The following SOAT1 variants were observed in gnomAD, a reference collection of about 807,000 sequenced individuals.
SOAT1 encodes acyl-coenzyme A:cholesterol acyltransferase 1.
A neutral mutation model predicts 69.5 loss-of-function variants in SOAT1; 55 were observed. That is an observed-to-expected ratio of 0.79 (90% CI 0.64 to 0.99). The LOEUF (loss-of-function observed/expected upper bound fraction) is 0.99, where lower values mean the gene tolerates loss of function less well. Ranked by LOEUF, SOAT1 falls within the 50% of genes least tolerant of loss-of-function variation. The probability of loss-of-function intolerance (pLI) is 0.00; values close to 1 mark genes in which losing one functional copy is unlikely to be tolerated. For synonymous variants in SOAT1, 231 were observed against 224.7 expected (o/e 1.03, Z -0.25); for missense variants, 580 against 669.3 (o/e 0.87, Z 1.47).
At chr1:179,301,334 A>C (rs1201203848) in intron 1 of SOAT1, among the ~76,000 whole-genome samples, 2 of 152,050 alleles carry the variant, frequency 1.3e-5, no homozygotes, top group Non-Finnish European at 2.9e-5. Context: ...CTTCCTGAAA[A>C]ACTTCTAATT....
chr1:179,348,760 A>ATGTGTGTGTG (rs71111912), intron 12 of SOAT1, 84 bp from the exon 13 acceptor site: 28 of 593,772 alleles, frequency 4.7e-5, no homozygotes, highest in African/African-American at 1.0e-4. Flanking sequence ...TTCGGGTGGG[A>ATGTGTGTGTG]TGTGTGTGTG....
rs1571468136 is a variant in SOAT1, at chr1:179,357,349, C to G, written c.*3708C>G. 6.6e-6 allele frequency: 1 copy of G among 152,442 alleles called. No homozygotes were observed. The highest frequency in any genetic ancestry group is 6.6e-5 in the Admixed American group (1 of 15,266). The allele number at this position is 152,442 out of a possible 1,614,324, so 9.4% of individuals were successfully genotyped here. Reference sequence around the variant, plus strand: ...TCCCGAGTAGCTGGCATTACAGGTGCCTGCCACCATGTCCAGCTAATTTTT... The same window carrying G: ...TCCCGAGTAGCTGGCATTACAGGTGGCTGCCACCATGTCCAGCTAATTTTT... On this transcript the variant is annotated 3_prime_UTR_variant, in exon 16 of 16. Transcript: ENST00000367619.
intron 2 of SOAT1, among the ~76,000 whole-genome samples, chr1:179,322,057 CT>C (rs1001244914): frequency 1.7e-4 from 26 of 151,210 alleles, no homozygotes; most frequent in Non-Finnish European, 3.5e-4. Flanking sequence ...AATTTTAAAA[CT>C]TTTTTTTGTA....
chr1:179,351,203 C>G, intron 14 of SOAT1, 114 bp from the exon 15 acceptor site: 1 of 852,152 alleles, frequency 1.2e-6, no homozygotes, highest in Non-Finnish European at 1.9e-6. Context: ...ACCACCACGC[C>G]TGGCTAATTT....
chr1:179,345,052 T>A lies in SOAT1; in HGVS notation c.1093T>A (p.Cys365Ser). The part of the protein sequence containing the change: ...EPFSARVLVL[C>S]VFNSILPGVL... Reference sequence around the variant, plus strand: ...CTTCAGCGCTCGTGTTCTGGTCCTATGTGTATTTAACTCCATCTTGCCAGG... The same window carrying A: ...CTTCAGCGCTCGTGTTCTGGTCCTAAGTGTATTTAACTCCATCTTGCCAGG... Residue 365 changes from cysteine (C) to serine (S), a missense_variant, in exon 11 of 16, where the codon TGT becomes AGT. Physicochemically the swap from Cys to Ser is moderately radical, Grantham distance 112. Coordinates refer to ENST00000367619, the MANE Select transcript of SOAT1 (RefSeq NM_003101.6). 6.2e-7 allele frequency: 1 copy of A among 1,614,174 alleles called. No homozygotes were observed. The highest frequency in any genetic ancestry group is 8.5e-7 in the Non-Finnish European group (1 of 1,180,000).
chr1:179,314,866 G>A (rs1490364700), intron 2 of SOAT1, among the ~76,000 whole-genome samples: 3 of 152,130 alleles, frequency 2.0e-5, no homozygotes, highest in African/African-American at 7.2e-5. Context: ...TTTTAAAAGA[G>A]ATAGCATTTA....
At chr1:179,352,362 T>C (rs1237705869) in intron 15 of SOAT1, among the ~76,000 whole-genome samples, 1 of 152,126 alleles carries the variant, frequency 6.6e-6, no homozygotes, top group Non-Finnish European at 1.5e-5. Flanking sequence ...TTAGATCTAC[T>C]AGCACTAGCT....
chr1:179,351,721 A>ATTTTTTTTTTTTTTTT (rs71901753), intron 15 of SOAT1, among the ~76,000 whole-genome samples: 6 of 106,468 alleles, frequency 5.6e-5, no homozygotes, highest in Non-Finnish European at 7.1e-5. Flanking sequence ...GCCCCTTCTA[A>ATTTTTTTTTTTTTTTT]TTTTTTTTTT....
At chr1:179,304,362 C>G (rs764235728) in intron 2 of SOAT1, among the ~76,000 whole-genome samples, 1 of 151,376 alleles carries the variant, frequency 6.6e-6, no homozygotes, top group Non-Finnish European at 1.5e-5. Context: ...ACTGCAACCT[C>G]TGCCTTCTGG....
chr1:179,336,033 G>A (rs1345783068), intron 4 of SOAT1, among the ~76,000 whole-genome samples: 1 of 151,736 alleles, frequency 6.6e-6, no homozygotes, highest in Non-Finnish European at 1.5e-5. Context: ...GCGTGGTGGC[G>A]GGCGTCTGTA....
chr1:179,341,551 T>C (rs78978511), intron 7 of SOAT1, among the ~76,000 whole-genome samples: 2 of 151,842 alleles, frequency 1.3e-5, no homozygotes, highest in Non-Finnish European at 2.9e-5. Context: ...TTTTTTTTTT[T>C]TGAGACAGAG....
intron 3 of SOAT1, among the ~76,000 whole-genome samples, chr1:179,326,550 C>CTTTTTTTTTTTTTTTTTTTT (rs10568516): frequency 9.4e-6 from 1 of 106,262 alleles, no homozygotes; most frequent in African/African-American, 4.1e-5. Flanking sequence ...AATTTCTTTT[C>CTTTTTTTTTTTTTTTTTTTT]TTTTTTTTTT....
At chr1:179,346,592 G>C (rs533800481) in intron 11 of SOAT1, among the ~76,000 whole-genome samples, 3 of 152,334 alleles carry the variant, frequency 2.0e-5, no homozygotes, top group African/African-American at 7.2e-5. Flanking sequence ...AACACTTAGA[G>C]GGTAGAATCA....
intron 10 of SOAT1, 58 bp from the exon 11 acceptor site, chr1:179,344,889 A>G: frequency 6.4e-7 from 1 of 1,574,364 alleles, no homozygotes; most frequent in East Asian, 2.2e-5. Flanking sequence ...AGAGAAAAAA[A>G]TCGCCTTCCA....
Position 179,323,466 on chromosome 1 carries a change from A to G in SOAT1, c.148A>G (p.Lys50Glu). ...GRIDIKQLIA[K>E]KIKLTAEAEE... ...AATTGACATAAAACAGTTGATAGCA[A>G]AGAAGATAAAGTTGACAGCAGAGGC... The change falls in exon 3 of 16, where the codon AAG becomes GAG. Residue 50 changes from lysine to glutamate, a missense_variant. Physicochemically the swap from Lys to Glu is moderately conservative, Grantham distance 56 (BLOSUM62 1). Transcript: ENST00000367619. 6 of 1,613,900 alleles carry G rather than the reference A, an allele frequency of 3.7e-6. No homozygotes were observed. Among genetic ancestry groups the G allele is most frequent in the Non-Finnish European group, 5.1e-6 (6 of 1,179,940 alleles).
At chr1:179,340,913 C>T (rs567469214) in intron 6 of SOAT1, 115 bp from the exon 7 acceptor site, 33 of 861,108 alleles carry the variant, frequency 3.8e-5, no homozygotes, top group Admixed American at 1.7e-4. Context: ...AGCGTATTAA[C>T]GTTGTGGTGT....
chr1:179,298,637 T>C (rs1453191567), intron 1 of SOAT1, among the ~76,000 whole-genome samples: 2 of 152,122 alleles, frequency 1.3e-5, no homozygotes, highest in African/African-American at 4.8e-5. Flanking sequence ...GGGCTAAATG[T>C]TTTTTGGGTA....
intron 1 of SOAT1, among the ~76,000 whole-genome samples, chr1:179,296,937 C>T (rs1664669742): frequency 6.6e-6 from 1 of 152,130 alleles, no homozygotes; most frequent in East Asian, 1.9e-4. Flanking sequence ...TAATTGCGTG[C>T]ACAGATTAGA....
At chr1:179,321,542 T>C (rs1306803995) in intron 2 of SOAT1, among the ~76,000 whole-genome samples, 1 of 152,228 alleles carries the variant, frequency 6.6e-6, no homozygotes, top group Non-Finnish European at 1.5e-5. Flanking sequence ...CATTATAGTC[T>C]GCAGAAATTC....
Sources: gnomAD v4.1 joint callset for allele counts (sites outside exome capture counted in the v4.1 genomes callset) on GRCh38, gnomAD v4.1.1 for gene constraint, MANE v1.5 for transcripts, NCBI Gene and HGNC (gene_info 2026-07-23, HGNC 2026-07-21) for gene names.